Variants in LRMDA observed in about 807,000 individuals in gnomAD.
The protein encoded by LRMDA is leucine rich melanocyte differentiation associated.
Under a neutral mutation model 29.8 loss-of-function variants are expected in LRMDA, and 18 were observed. The ratio of observed to expected loss-of-function variants is 0.60; its 90% CI spans 0.42 to 0.90. The LOEUF is 0.90. Among genes scored for constraint, LRMDA ranks in the 40% least tolerant of loss-of-function variants. The pLI is 0.00. For synonymous variants in LRMDA, 125 were observed against 109.4 expected (o/e 1.14, Z -0.89); for missense variants, 273 against 273.9 (o/e 1.00, Z 0.02).
chr10:76,365,085 C>CACATAT (rs1272382582), intron 6 of LRMDA, among the ~76,000 whole-genome samples: 1 of 69,768 alleles, frequency 1.4e-5, no homozygotes, highest in African/African-American at 4.4e-5. Context: ...CACACACACA[C>CACATAT]ATATATATAT....
chr10:76,442,375 C>A (rs2132292715), intron 6 of LRMDA, among the ~76,000 whole-genome samples: 1 of 152,254 alleles, frequency 6.6e-6, no homozygotes, highest in East Asian at 1.9e-4. Flanking sequence ...GGTTTAGGTT[C>A]TTAGCTTAAA....
chr10:76,327,113 A>G (rs941673050), intron 6 of LRMDA, among the ~76,000 whole-genome samples: 9 of 132,390 alleles, frequency 6.8e-5, no homozygotes, highest in African/African-American at 2.6e-4. Flanking sequence ...TTTTTTTGAG[A>G]TGGAGCCTCA....
chr10:75,980,241 A>G (rs974879251), intron 2 of LRMDA, among the ~76,000 whole-genome samples: 6 of 152,184 alleles, frequency 3.9e-5, no homozygotes, highest in East Asian at 1.9e-4. Flanking sequence ...TAATTGCTGT[A>G]TCATAGGATC....
intron 2 of LRMDA, among the ~76,000 whole-genome samples, chr10:75,795,086 G>T (rs892269463): frequency 3.9e-5 from 6 of 151,924 alleles, no homozygotes; most frequent in African/African-American, 1.5e-4. Context: ...ATTAATTCTC[G>T]TGTAGGAGAG....
intron 5 of LRMDA, among the ~76,000 whole-genome samples, chr10:76,217,311 G>A (rs1052227982): frequency 6.6e-6 from 1 of 152,132 alleles, no homozygotes; most frequent in Non-Finnish European, 1.5e-5. Context: ...CATACACATA[G>A]CAGCTATACC....
At chr10:75,618,372 CTCTCTCTCTCTATATA>C (rs1398064360) in intron 2 of LRMDA, among the ~76,000 whole-genome samples, 10 of 96,130 alleles carry the variant, frequency 1.0e-4, no homozygotes, top group South Asian at 7.3e-4. Flanking sequence ...CTCTCTCTCT[CTCTCTCTCTCTATATA>C]TATATATATA....
chr10:76,166,128 G>A (rs182154169), intron 5 of LRMDA, among the ~76,000 whole-genome samples: 5 of 152,264 alleles, frequency 3.3e-5, no homozygotes, highest in South Asian at 2.1e-4. Context: ...TCATTTGTCC[G>A]ATGTGAAGGG....
At chr10:76,029,319 T>C (rs943360635) in intron 2 of LRMDA, among the ~76,000 whole-genome samples, 1 of 152,154 alleles carries the variant, frequency 6.6e-6, no homozygotes, top group Admixed American at 6.6e-5. Context: ...TAAAAAGCAG[T>C]ATATAAATAA....
In LRMDA at chr10:76,353,597, A is replaced by G. The variant is rs371829104; in HGVS notation, c.601+29112A>G. Among the ~76,000 whole-genome samples the G allele has an allele frequency of 1.7e-4, 26 of 152,206 alleles. No homozygotes were observed. The South Asian group carries it at 2.7e-3, about 16-fold the overall frequency. ...CAGGGGAGACATAGCTATGCCGTGGAGAGTTCTGAGATGTGAAGAGAACAA... is the reference window on the plus strand; with the variant it reads ...CAGGGGAGACATAGCTATGCCGTGGGGAGTTCTGAGATGTGAAGAGAACAA... On this transcript the variant is annotated intron_variant, in intron 6 of 6. Coordinates refer to ENST00000611255, the MANE Select transcript of LRMDA (RefSeq NM_001305581.2).
At chr10:75,928,500 A>C (rs1846157576) in intron 2 of LRMDA, among the ~76,000 whole-genome samples, 1 of 152,178 alleles carries the variant, frequency 6.6e-6, no homozygotes, top group Non-Finnish European at 1.5e-5. Context: ...GCAGTATCTG[A>C]ATAAAATGTC....
chr10:75,692,252 A>G (rs919635234), intron 2 of LRMDA, among the ~76,000 whole-genome samples: 20 of 140,328 alleles, frequency 1.4e-4, no homozygotes, highest in Non-Finnish European at 1.5e-5. Context: ...ATATATACAT[A>G]TATATATTTT....
chr10:75,994,104 C>T (rs1446805458), intron 2 of LRMDA, among the ~76,000 whole-genome samples: 5 of 152,200 alleles, frequency 3.3e-5, no homozygotes, highest in African/African-American at 1.2e-4. Flanking sequence ...TCTTTATTCA[C>T]CCTAAGTTAT....
At chr10:76,361,258 CAA>C (rs67200824) in intron 6 of LRMDA, among the ~76,000 whole-genome samples, 7 of 132,442 alleles carry the variant, frequency 5.3e-5, no homozygotes, top group Admixed American at 7.7e-5. Flanking sequence ...GAGACTGTCT[CAA>C]AAAAAAAAAA....
intron 5 of LRMDA, among the ~76,000 whole-genome samples, chr10:76,146,766 G>A (rs1323470918): frequency 6.6e-6 from 1 of 152,132 alleles, no homozygotes; most frequent in Non-Finnish European, 1.5e-5. Context: ...AGTTGATGCA[G>A]TTTCTTCCTA....
At chr10:75,886,246 A>G (rs1441211308) in intron 2 of LRMDA, among the ~76,000 whole-genome samples, 16 of 152,168 alleles carry the variant, frequency 1.1e-4, no homozygotes, top group Admixed American at 1.0e-3. Context: ...GAAATTGGAC[A>G]CTGCATGACA....
At chr10:75,502,382 C>G (rs1453154363) in intron 2 of LRMDA, among the ~76,000 whole-genome samples, 2 of 152,052 alleles carry the variant, frequency 1.3e-5, no homozygotes. Flanking sequence ...TATTGTTGAC[C>G]CAACCAGTCC....
At chr10:75,741,099 G>A (rs1842823236) in intron 2 of LRMDA, among the ~76,000 whole-genome samples, 1 of 152,206 alleles carries the variant, frequency 6.6e-6, no homozygotes, top group Admixed American at 6.5e-5. Flanking sequence ...TGTAGGTTGA[G>A]AAACCCAGCA....
chr10:76,145,792 CT>C (rs1850304941), intron 5 of LRMDA, among the ~76,000 whole-genome samples: 1 of 151,808 alleles, frequency 6.6e-6, no homozygotes. Context: ...TAGGGTGTCA[CT>C]TTTAGATCTT....
At chr10:76,311,290 A>C (rs1293928515) in intron 5 of LRMDA, among the ~76,000 whole-genome samples, 1 of 152,198 alleles carries the variant, frequency 6.6e-6, no homozygotes, top group Non-Finnish European at 1.5e-5. Flanking sequence ...GACATAAAAC[A>C]AAAGTTCCTT....
Sources: gnomAD v4.1 joint callset for allele counts (sites outside exome capture counted in the v4.1 genomes callset) on GRCh38, gnomAD v4.1.1 for gene constraint, MANE v1.5 for transcripts, NCBI Gene and HGNC (gene_info 2026-07-23, HGNC 2026-07-21) for gene names.